Variants in OOSP4B observed in about 807,000 individuals in gnomAD.
OOSP4B encodes the protein oocyte-secreted protein 4B.
chr11:60,029,821 GT>G lies in OOSP4B; in HGVS notation c.345del (p.Phe115LeufsTer6), dbSNP rs1854787632. 5.0e-6 allele frequency: 2 copies of G among 398,308 alleles called. No individual in the cohort carries two copies. Among genetic ancestry groups the G allele is most frequent in the Non-Finnish European group, 8.9e-6 (2 of 225,968 alleles). The allele number at this position is 398,308 out of a possible 1,614,324, so 24.7% of individuals were successfully genotyped here. A position where few individuals can be genotyped will look rare whatever the true frequency, so the allele number is the denominator to read the frequency against. On this transcript the variant is annotated frameshift_variant, in exon 4 of 5. Transcript: ENST00000642343. LOFTEE classifies it high-confidence loss of function. ...CTGTGATGCATTTTGGAATGAGTGGGTTTGATGCCCACACCTTGAAAGAAAT... is the reference window on the plus strand; with the variant it reads ...CTGTGATGCATTTTGGAATGAGTGGGTTGATGCCCACACCTTGAAAGAAAT...
intron 1 of OOSP4B, among the ~76,000 whole-genome samples, chr11:60,020,138 A>C (rs150476199): frequency 0.027 from 4,078 of 152,314 alleles, 186 homozygotes; most frequent in African/African-American, 0.092. Flanking sequence ...ACAATCCCTT[A>C]GCTAGACATA....
rs150186213 is a variant in OOSP4B at position 60,023,179 on chromosome 11, T to TA, written c.23-699dup. Among the ~76,000 whole-genome samples the TA allele has an allele frequency of 9.8e-3, 1,487 of 152,338 alleles. 31 individuals carry two copies. Among genetic ancestry groups the TA allele is most frequent in the African/African-American group, 0.034 (1,401 of 41,574 alleles). Reference sequence around the variant, plus strand: ...GTTGCAAAGAAATTAAATAACCAACTAACCTCTCTGTGGATTTTTGCAGCT... The same window carrying TA: ...GTTGCAAAGAAATTAAATAACCAACTAAACCTCTCTGTGGATTTTTGCAGCT... On this transcript the variant is annotated intron_variant, in intron 1 of 4. Transcript: ENST00000642343.
At chr11:60,030,702 T>TA (rs1854798499) in intron 4 of OOSP4B, 100 bp from the exon 5 acceptor site, 1 of 397,010 alleles carries the variant, frequency 2.5e-6, no homozygotes, top group African/African-American at 2.1e-5. Flanking sequence ...TTTTCCACAT[T>TA]ACTTCTAATT....
chr11:60,028,626 A>G (rs1590595297), intron 3 of OOSP4B, among the ~76,000 whole-genome samples: 1 of 152,132 alleles, frequency 6.6e-6, no homozygotes, highest in African/African-American at 2.4e-5. Context: ...AGTTCCAGCT[A>G]CGCTGGGGTT....
intron 4 of OOSP4B, among the ~76,000 whole-genome samples, chr11:60,030,273 G>A (rs1753157700): frequency 6.6e-6 from 1 of 152,116 alleles, no homozygotes; most frequent in Non-Finnish European, 1.5e-5. Flanking sequence ...AGAAAAACAT[G>A]TCTATATACA....
intron 3 of OOSP4B, among the ~76,000 whole-genome samples, chr11:60,026,251 T>A (rs76687257): frequency 0.025 from 3,818 of 152,310 alleles, 116 homozygotes; most frequent in African/African-American, 0.072. Context: ...TATTTTCTTC[T>A]AGAAGTTTTA....
intron 4 of OOSP4B, among the ~76,000 whole-genome samples, chr11:60,030,259 T>TATATAGAAAAA (rs1428111350): frequency 3.7e-4 from 56 of 152,304 alleles, no homozygotes; most frequent in African/African-American, 1.3e-3. Context: ...ATACTAATAT[T>TATATAGAAAAA]TGTAGAAAAA....
chr11:60,020,765 C>A (rs1051898247), intron 1 of OOSP4B, among the ~76,000 whole-genome samples: 1 of 152,246 alleles, frequency 6.6e-6, no homozygotes, highest in Non-Finnish European at 1.5e-5. Context: ...GCTGCCAGCA[C>A]GCTGTCACCT....
chr11:60,021,022 G>T (rs1353286203), intron 1 of OOSP4B, among the ~76,000 whole-genome samples: 3 of 152,188 alleles, frequency 2.0e-5, no homozygotes. Context: ...TTCCATCCTT[G>T]CACTGGAAAG....
Position 60,023,862 on chromosome 11 carries a change from G to C in OOSP4B, c.23-18G>C, listed in dbSNP as rs1246331589. On this transcript the variant is annotated intron_variant, in intron 1 of 4. Coordinates refer to ENST00000642343, the Ensembl canonical transcript of OOSP4B. The stretch of plus-strand genomic sequence containing the variant: ...GAAGTATACTACCATATTACTTTTT[G>C]GATTTTTTTTCTTTTAGCAATAACT... The C allele has an allele frequency of 5.0e-6, 2 of 398,322 alleles. No individual in the cohort carries two copies. The highest frequency in any genetic ancestry group is 7.1e-5 in the East Asian group (2 of 28,066). 24.7% of individuals were successfully genotyped at this position (398,322 alleles called of 1,614,324 possible).
At position 60,020,663 on chromosome 11, in the gene OOSP4B, C is replaced by T. The variant is rs541168397; in HGVS notation, c.23-3217C>T. On this transcript the variant is annotated intron_variant, in intron 1 of 4. Coordinates refer to ENST00000642343, the Ensembl canonical transcript of OOSP4B. ...CCTTGGCCAGCCCAGAAAGGGGCTC[C>T]CACAGTGCAGCGGCGGGCTAAAGGG... Among the ~76,000 whole-genome samples, 3 of 152,350 alleles carry T rather than the reference C, an allele frequency of 2.0e-5. No homozygotes were observed. In the East Asian group the frequency reaches 5.8e-4, roughly 29 times the overall value.
exon 2 of OOSP4B, chr11:60,023,888 G>T (rs1046687633): frequency 7.5e-6 from 3 of 398,332 alleles, no homozygotes; most frequent in Admixed American, 4.4e-5. Flanking sequence ...AGCAATAACT[G>T]CAATGTGCTC....
chr11:60,020,538 C>G (rs1854679868), intron 1 of OOSP4B, among the ~76,000 whole-genome samples: 1 of 152,228 alleles, frequency 6.6e-6, no homozygotes, highest in South Asian at 2.1e-4. Context: ...CCCACGCCCA[C>G]CCAGAACTTG....
In OOSP4B at chr11:60,021,009, G is replaced by A. The variant is rs139193513; in HGVS notation, c.23-2871G>A. On this transcript the variant is annotated intron_variant, in intron 1 of 4. Transcript: ENST00000642343. Reference sequence around the variant, plus strand: ...AGCCATAATGCTTGGCACACACAACGTCTTCCATCCTTGCACTGGAAAGTA... The same window carrying A: ...AGCCATAATGCTTGGCACACACAACATCTTCCATCCTTGCACTGGAAAGTA... Among the ~76,000 whole-genome samples the A allele has an allele frequency of 4.7e-3, 723 of 152,294 alleles. 8 individuals carry two copies. Among genetic ancestry groups the A allele is most frequent in the South Asian group, 0.015 (71 of 4,820 alleles).
At chr11:60,024,214 T>C (rs756402729) in intron 2 of OOSP4B, among the ~76,000 whole-genome samples, 153 bp downstream of exon 2, 3 of 152,166 alleles carry the variant, frequency 2.0e-5, no homozygotes, top group Non-Finnish European at 2.9e-5. Context: ...CTTATCTACT[T>C]AATTGGGACA....
At position 60,027,655 on chromosome 11, in the gene OOSP4B, T is replaced by TAAAAAAAAAAAAAAAAAAAAA. The variant is rs61649958; in HGVS notation, c.303-2122_303-2102dup. On this transcript the variant is annotated intron_variant, in intron 3 of 4. Coordinates refer to ENST00000642343, the Ensembl canonical transcript of OOSP4B. ...TCTAAGCAGGTAAAGGCTATGATAT[T>TAAAAAAAAAAAAAAAAAAAAA]AAAAAAAAAAAAAAAAAAAAAAAAA... 1.4e-3 allele frequency among the ~76,000 whole-genome samples: 86 copies of TAAAAAAAAAAAAAAAAAAAAA among 62,218 alleles called. 10 individuals carry two copies. The highest frequency in any genetic ancestry group is 2.1e-3 in the Non-Finnish European group (64 of 29,858). The allele number at this position is 62,218 out of a possible 152,430, so 40.8% of individuals were successfully genotyped here.
At chr11:60,020,737 C>T (rs1050228633) in intron 1 of OOSP4B, among the ~76,000 whole-genome samples, 1 of 152,248 alleles carries the variant, frequency 6.6e-6, no homozygotes, top group East Asian at 1.9e-4. Flanking sequence ...GCGTGGAGAG[C>T]GAGCGAGGGC....
At chr11:60,030,777 A>C (rs1255125711) in intron 4 of OOSP4B, 25 bp from the exon 5 acceptor site, 2 of 397,968 alleles carry the variant, frequency 5.0e-6, no homozygotes, top group Admixed American at 8.8e-5. Context: ...GCAGCTCTTA[A>C]CTGCTTTTCC....
chr11:60,020,328 G>A (rs565317995), intron 1 of OOSP4B, among the ~76,000 whole-genome samples: 1 of 152,156 alleles, frequency 6.6e-6, no homozygotes, highest in South Asian at 2.1e-4. Flanking sequence ...TGTTGGGGAG[G>A]CTCCTGCCGC....
Sources: gnomAD v4.1 joint callset for allele counts (sites outside exome capture counted in the v4.1 genomes callset) on GRCh38, gnomAD v4.1.1 for gene constraint, MANE v1.5 for transcripts, NCBI Gene and HGNC (gene_info 2026-07-23, HGNC 2026-07-21) for gene names.